ZFHX3: variants seen among roughly 807,000 people sequenced by gnomAD.
ZFHX3 encodes the protein zinc finger homeobox protein 3.
A neutral mutation model predicts 279.1 loss-of-function variants in ZFHX3; 42 were observed. That is an observed-to-expected ratio of 0.15 (90% CI 0.12 to 0.19). The LOEUF (loss-of-function observed/expected upper bound fraction) is 0.19, where lower values mean the gene tolerates loss of function less well. ZFHX3 is among the 10% of genes least tolerant of loss of function. ZFHX3 has a pLI of 1.00. For missense variants in ZFHX3, 4,981 were observed against 4,754.0 expected, an observed-to-expected ratio of 1.05 and a Z score of -1.40; for synonymous variants, 2,293 against 1,957.8, an observed-to-expected ratio of 1.17 and a Z score of -4.52.
At chr16:73,790,463 T>C (rs776632868) in intron 1 of ZFHX3, among the ~76,000 whole-genome samples, 3 of 152,246 alleles carry the variant, frequency 2.0e-5, no homozygotes, top group Non-Finnish European at 4.4e-5. Context: ...GGTGGATGCT[T>C]ATGACTCAGC....
intron 2 of ZFHX3, among the ~76,000 whole-genome samples, chr16:73,669,323 G>T (rs992604869): frequency 6.6e-6 from 1 of 152,168 alleles, no homozygotes; most frequent in Non-Finnish European, 1.5e-5. Flanking sequence ...CAAAGTGCTG[G>T]GATTACAGGC....
At chr16:73,239,139 TTA>T (rs2013042654) in intron 5 of ZFHX3, among the ~76,000 whole-genome samples, 1 of 152,214 alleles carries the variant, frequency 6.6e-6, no homozygotes, top group Admixed American at 6.5e-5. Flanking sequence ...ATTACTATTT[TTA>T]TTCCAAGTAT....
At chr16:73,605,311 A>G (rs779338194) in intron 2 of ZFHX3, among the ~76,000 whole-genome samples, 4 of 152,226 alleles carry the variant, frequency 2.6e-5, no homozygotes, top group Non-Finnish European at 5.9e-5. Flanking sequence ...AAGAAATTAA[A>G]CACGATAAGC....
chr16:73,423,690 T>C (rs2017759538), intron 3 of ZFHX3, among the ~76,000 whole-genome samples: 2 of 152,156 alleles, frequency 1.3e-5, no homozygotes, highest in African/African-American at 2.4e-5. Context: ...GGCACAATCC[T>C]GTCTCTACTA....
chr16:73,381,241 CA>C (rs978505744), intron 3 of ZFHX3, among the ~76,000 whole-genome samples: 46 of 152,068 alleles, frequency 3.0e-4, no homozygotes, highest in African/African-American at 1.1e-3. Flanking sequence ...TCCCAGAAAA[CA>C]TATATAAATT....
chr16:72,836,210 TCC>T (rs2037188537), intron 4 of ZFHX3, among the ~76,000 whole-genome samples: 1 of 152,142 alleles, frequency 6.6e-6, no homozygotes, highest in Admixed American at 6.5e-5. Context: ...TATGCCATTC[TCC>T]CTCTGTGACT....
intron 2 of ZFHX3, among the ~76,000 whole-genome samples, chr16:73,567,801 G>A (rs1486412280): frequency 3.3e-5 from 5 of 152,100 alleles, no homozygotes; most frequent in African/African-American, 9.7e-5. Flanking sequence ...GTATACCTTC[G>A]AATTTTTCAA....
At chr16:73,129,654 ATG>A (rs1966639023) in intron 7 of ZFHX3, among the ~76,000 whole-genome samples, 1 of 150,882 alleles carries the variant, frequency 6.6e-6, no homozygotes, top group Non-Finnish European at 1.5e-5. Flanking sequence ...GCGTGTGTGC[ATG>A]TATGTGTGCC....
intron 5 of ZFHX3, among the ~76,000 whole-genome samples, chr16:73,249,351 T>C (rs2013410506): frequency 6.6e-6 from 1 of 152,214 alleles, no homozygotes; most frequent in African/African-American, 2.4e-5. Context: ...AATAAAGACA[T>C]ACCCAAGAAT....
At chr16:73,364,964 C>T (rs2016505059) in intron 3 of ZFHX3, among the ~76,000 whole-genome samples, 1 of 152,144 alleles carries the variant, frequency 6.6e-6, no homozygotes, top group Non-Finnish European at 1.5e-5. Flanking sequence ...CTCCACCCCA[C>T]CCCCTCCTTT....
At chr16:73,872,045 C>A (rs1329966412) in intron 1 of ZFHX3, among the ~76,000 whole-genome samples, 1 of 152,150 alleles carries the variant, frequency 6.6e-6, no homozygotes, top group East Asian at 1.9e-4. Flanking sequence ...GTTTTGCGAT[C>A]AATATTCACA....
Position 72,823,163 on chromosome 16 carries a change from G to A in ZFHX3, c.3529+6616C>T, listed in dbSNP as rs539151471. Reference sequence around the variant, plus strand: ...ACACAGTCACACAATTCCAATCTACGTGTGAAAACATAAAACCAAAAATGG... The same window carrying A: ...ACACAGTCACACAATTCCAATCTACATGTGAAAACATAAAACCAAAAATGG... On this transcript the variant is annotated intron_variant, in intron 5 of 9. Transcript: ENST00000268489. 1.5e-4 allele frequency among the ~76,000 whole-genome samples: 23 copies of A among 152,260 alleles called. No individual in the cohort carries two copies. The South Asian group carries it at 1.9e-3, about 12-fold the overall frequency.
At chr16:73,245,200 T>C (rs928424225) in intron 5 of ZFHX3, among the ~76,000 whole-genome samples, 2 of 152,222 alleles carry the variant, frequency 1.3e-5, no homozygotes, top group African/African-American at 4.8e-5. Context: ...CTGTCTCCTC[T>C]TGCAAGATGT....
At chr16:73,160,015 G>A (rs1271107990) in intron 5 of ZFHX3, among the ~76,000 whole-genome samples, 2 of 152,088 alleles carry the variant, frequency 1.3e-5, no homozygotes, top group Non-Finnish European at 2.9e-5. Flanking sequence ...CGCCTGTCTT[G>A]GCCTCCTAAA....
intron 1 of ZFHX3, among the ~76,000 whole-genome samples, chr16:72,992,037 A>G (rs143529206): frequency 6.4e-4 from 98 of 152,354 alleles, no homozygotes; most frequent in African/African-American, 2.3e-3. Flanking sequence ...AACAGAAATG[A>G]TGCCCTGAGT....
At chr16:73,186,657 G>T (rs950722877) in intron 5 of ZFHX3, among the ~76,000 whole-genome samples, 1 of 151,448 alleles carries the variant, frequency 6.6e-6, no homozygotes, top group South Asian at 2.1e-4. Context: ...TTTTAATGGG[G>T]GTCGCATTTC....
Position 72,830,144 on chromosome 16 carries a change from G to T in ZFHX3, c.3449-285C>A, listed in dbSNP as rs185680070. Among the ~76,000 whole-genome samples, 226 of 152,358 alleles carry T rather than the reference G, an allele frequency of 1.5e-3. 1 individual carries two copies. The highest frequency in any genetic ancestry group is 4.6e-4 in the Non-Finnish European group (31 of 68,044). ...AGATTCTGAATGCTTCGCTTGAGTAGTTCTAACTGAAAAACCAATCCTGGT... is the reference window on the plus strand; with the variant it reads ...AGATTCTGAATGCTTCGCTTGAGTATTTCTAACTGAAAAACCAATCCTGGT... On this transcript the variant is annotated intron_variant, in intron 4 of 9. Transcript: ENST00000268489.
chr16:73,137,854 A>G (rs1399401503), intron 6 of ZFHX3, among the ~76,000 whole-genome samples: 3 of 152,060 alleles, frequency 2.0e-5, no homozygotes, highest in Admixed American at 1.3e-4. Flanking sequence ...GCCTTCCTAT[A>G]AGGCTACTCA....
At chr16:73,056,495 C>G (rs1965560047) in intron 1 of ZFHX3, among the ~76,000 whole-genome samples, 1 of 152,076 alleles carries the variant, frequency 6.6e-6, no homozygotes, top group Non-Finnish European at 1.5e-5. Context: ...CCCCTCAACC[C>G]ACAGGATGTC....
Sources: gnomAD v4.1 joint callset for allele counts (sites outside exome capture counted in the v4.1 genomes callset) on GRCh38, gnomAD v4.1.1 for gene constraint, MANE v1.5 for transcripts, NCBI Gene and HGNC (gene_info 2026-07-23, HGNC 2026-07-21) for gene names.